Variants in DENND5B observed in about 807,000 individuals in gnomAD.
DENND5B encodes DENN domain-containing protein 5B.
Under a neutral mutation model 140.6 loss-of-function variants are expected in DENND5B, and 34 were observed. The ratio of observed to expected loss-of-function variants is 0.24; its 90% CI spans 0.18 to 0.32. The LOEUF (loss-of-function observed/expected upper bound fraction) is 0.32, where lower values mean the gene tolerates loss of function less well. DENND5B is among the 10% of genes least tolerant of loss of function. DENND5B has a pLI of 1.00. For missense variants in DENND5B, 1,142 were observed against 1,560.2 expected, an observed-to-expected ratio of 0.73 and a Z score of 4.52; for synonymous variants, 551 against 562.1, an observed-to-expected ratio of 0.98 and a Z score of 0.28.
intron 14 of DENND5B, among the ~76,000 whole-genome samples, chr12:31,404,759 C>CTTTTCT (rs564492512): frequency 1.4e-5 from 1 of 74,064 alleles, no homozygotes. Flanking sequence ...CGACCTCTAG[C>CTTTTCT]TTTTTTTTTT....
intron 3 of DENND5B, among the ~76,000 whole-genome samples, chr12:31,476,978 C>T (rs567657638): frequency 1.6e-3 from 237 of 152,280 alleles, no homozygotes; most frequent in African/African-American, 5.4e-3. Context: ...CCGGTAATCC[C>T]AGCACTTTGG....
chr12:31,387,854 A>G, intron 20 of DENND5B, 68 bp from the exon 21 acceptor site: 1 of 1,499,920 alleles, frequency 6.7e-7, no homozygotes, highest in Non-Finnish European at 9.1e-7. Context: ...CACACAGTGG[A>G]GTCTGTATGA....
chr12:31,494,202 ACCTACCTACCTACCTACC>A (rs1332131898), intron 2 of DENND5B, among the ~76,000 whole-genome samples: 1 of 63,406 alleles, frequency 1.6e-5, no homozygotes. Context: ...CCATCCATCC[ACCTACCTACCTACCTACC>A]TCTACCTACC....
chr12:31,500,880 TATCAC>T (rs980012543), intron 1 of DENND5B, among the ~76,000 whole-genome samples: 2 of 152,106 alleles, frequency 1.3e-5, no homozygotes, highest in Non-Finnish European at 2.9e-5. Context: ...TAAACAGTCT[TATCAC>T]AGAACCCCAT....
At chr12:31,581,771 C>T (rs1405078388) in intron 1 of DENND5B, among the ~76,000 whole-genome samples, 1 of 150,918 alleles carries the variant, frequency 6.6e-6, no homozygotes, top group East Asian at 1.9e-4. Flanking sequence ...TTCCTGGTGG[C>T]TGATTTTCTA....
intron 1 of DENND5B, among the ~76,000 whole-genome samples, chr12:31,521,819 T>C (rs1330534702): frequency 6.6e-6 from 1 of 152,204 alleles, no homozygotes; most frequent in African/African-American, 2.4e-5. Flanking sequence ...TTCAGTAGCC[T>C]CCTACCTGGC....
At chr12:31,475,288 T>A (rs1030699170) in intron 3 of DENND5B, among the ~76,000 whole-genome samples, 5 of 152,176 alleles carry the variant, frequency 3.3e-5, no homozygotes, top group African/African-American at 4.8e-5. Context: ...TTAAATTTTT[T>A]AAAAATCTAG....
chr12:31,449,731 G>GTTTTTTTTTTTTTTTTT (rs771712867), intron 5 of DENND5B, among the ~76,000 whole-genome samples: 2 of 89,966 alleles, frequency 2.2e-5, no homozygotes, highest in African/African-American at 8.2e-5. Flanking sequence ...ACACAGATTA[G>GTTTTTTTTTTTTTTTTT]TTTTTTTTTT....
intron 2 of DENND5B, among the ~76,000 whole-genome samples, chr12:31,485,689 G>C (rs1269837171): frequency 6.6e-6 from 1 of 152,218 alleles, no homozygotes; most frequent in Non-Finnish European, 1.5e-5. Context: ...ACAAGTGACA[G>C]AGTGACTTTT....
intron 1 of DENND5B, among the ~76,000 whole-genome samples, chr12:31,572,229 A>C (rs1332917440): frequency 6.6e-6 from 1 of 152,046 alleles, no homozygotes; most frequent in Non-Finnish European, 1.5e-5. Flanking sequence ...TGTCTCAAAA[A>C]AAAAAAGAAA....
chr12:31,463,915 G>T (rs1194622177), intron 3 of DENND5B, among the ~76,000 whole-genome samples: 1 of 152,122 alleles, frequency 6.6e-6, no homozygotes, highest in African/African-American at 2.4e-5. Flanking sequence ...TGATCCACAC[G>T]CCTTTGCCTC....
chr12:31,465,331 TGGA>T, intron 3 of DENND5B: 1 of 152,492 alleles, frequency 6.6e-6, no homozygotes, highest in East Asian at 1.9e-4. Context: ...CTGATGTAGC[TGGA>T]GGATTATACA....
intron 9 of DENND5B, among the ~76,000 whole-genome samples, chr12:31,425,437 G>A (rs895707551): frequency 1.8e-4 from 28 of 152,208 alleles, no homozygotes; most frequent in African/African-American, 6.5e-4. Flanking sequence ...CTTGCACTTA[G>A]TTTGATTGCA....
chr12:31,455,972 T>A (rs577053717), intron 4 of DENND5B, among the ~76,000 whole-genome samples: 7 of 151,778 alleles, frequency 4.6e-5, no homozygotes, highest in African/African-American at 1.7e-4. Context: ...TGTGCCAAGA[T>A]CATGCCACTG....
intron 9 of DENND5B, 76 bp downstream of exon 9, chr12:31,426,217 T>C (rs1351682224): frequency 1.4e-6 from 2 of 1,477,128 alleles, no homozygotes; most frequent in Admixed American, 2.6e-5. Context: ...AAATGGGGGT[T>C]AACTCAGTTC....
intron 20 of DENND5B, among the ~76,000 whole-genome samples, chr12:31,388,226 CTTTTTTT>C (rs35891849): frequency 1.4e-4 from 13 of 91,454 alleles, no homozygotes; most frequent in South Asian, 1.2e-3. Flanking sequence ...TAGGGACTTG[CTTTTTTT>C]TTTTTTTTTT....
chr12:31,404,335 C>G (rs1227008775), intron 14 of DENND5B, among the ~76,000 whole-genome samples: 2 of 152,192 alleles, frequency 1.3e-5, no homozygotes, highest in Non-Finnish European at 2.9e-5. Flanking sequence ...GTAGCTCTGT[C>G]GCCCAGTCTG....
intron 3 of DENND5B, among the ~76,000 whole-genome samples, chr12:31,470,748 A>G (rs1945520356): frequency 6.6e-6 from 1 of 152,184 alleles, no homozygotes; most frequent in Non-Finnish European, 1.5e-5. Context: ...TCACAAATTG[A>G]CAGGTGTTGG....
rs896725560 is a variant in DENND5B at position 31,382,481 on chromosome 12, A to G, written c.*5122T>C. 5 of 152,218 alleles carry G rather than the reference A, an allele frequency of 3.3e-5. No homozygotes were observed. Among genetic ancestry groups the G allele is most frequent in the Non-Finnish European group, 7.4e-5 (5 of 68,022 alleles). 9.4% of individuals were successfully genotyped at this position (152,218 alleles called of 1,614,324 possible). ...TAATTAAAAAAAAGATACACAGGTT[A>G]CATTTATACATGGTTCAAGTGTAAC... On this transcript the variant is annotated 3_prime_UTR_variant, in exon 21 of 21. Coordinates refer to ENST00000389082, the MANE Select transcript of DENND5B (RefSeq NM_144973.4).
Sources: allele counts gnomAD v4.1 joint callset (sites outside exome capture counted in the v4.1 genomes callset), GRCh38; gene constraint gnomAD v4.1.1; transcripts MANE v1.5; gene names NCBI Gene and HGNC (gene_info 2026-07-23, HGNC 2026-07-21).